ATAD2B: variants seen among roughly 807,000 people sequenced by gnomAD.
ATAD2B encodes ATPase family AAA domain containing 2B.
ATAD2B carries 40 observed loss-of-function variants against 167.6 expected under a neutral mutation model. That is an observed-to-expected ratio of 0.24 (90% confidence interval 0.19 to 0.31). The LOEUF (loss-of-function observed/expected upper bound fraction) is 0.31. ATAD2B is among the 10% of genes least tolerant of loss of function. The probability of loss-of-function intolerance (pLI) is 1.00; values close to 1 mark genes in which losing one functional copy is unlikely to be tolerated. For missense variants in ATAD2B, 1,242 were observed against 1,757.2 expected, an observed-to-expected ratio of 0.71 and a Z score of 5.24; for synonymous variants, 579 against 596.5, an observed-to-expected ratio of 0.97 and a Z score of 0.43.
rs1159877443 is a variant in ATAD2B at position 23,782,719 on chromosome 2, T to C, written c.3133+150A>G. 11 of 534,168 alleles carry C rather than the reference T, an allele frequency of 2.1e-5. No homozygotes were observed. In the East Asian group the frequency reaches 3.3e-4, roughly 16 times the overall value. 33.1% of individuals were successfully genotyped at this position (534,168 alleles called of 1,614,324 possible). ...TTCTCTACTTTAAACACATTATTTTTATGTAGGCTATGAGCTTCTTATTGA... is the reference window on the plus strand; with the variant it reads ...TTCTCTACTTTAAACACATTATTTTCATGTAGGCTATGAGCTTCTTATTGA... On this transcript the variant is annotated intron_variant, in intron 22 of 27. Coordinates refer to ENST00000238789, the MANE Select transcript of ATAD2B (RefSeq NM_017552.4).
chr2:23,740,482 C>G, the ATAD2B span, among the ~76,000 whole-genome samples: 5 of 151,810 alleles, frequency 3.3e-5, no homozygotes, highest in African/African-American at 1.2e-4. Flanking sequence ...GCAGAAAAGG[C>G]CTTTGACAAA....
intron 22 of ATAD2B, among the ~76,000 whole-genome samples, chr2:23,772,812 C>T (rs1678541068): frequency 6.6e-6 from 1 of 152,148 alleles, no homozygotes; most frequent in Admixed American, 6.5e-5. Flanking sequence ...CTTATAGCAG[C>T]GTCAACCTCC....
Position 23,885,964 on chromosome 2 carries a change from A to G in ATAD2B, c.573-135T>C, listed in dbSNP as rs1573253095. The G allele has an allele frequency of 1.6e-5, 9 of 553,156 alleles. No individual in the cohort carries two copies. The East Asian group carries it at 3.0e-4, about 18-fold the overall frequency. 34.3% of individuals were successfully genotyped at this position (553,156 alleles called of 1,614,324 possible). ...CTTTTTTTTCTTTTTTGTTTTTTTT[A>G]GATAGAGTGTCCCTCTGTCACCCAG... On this transcript the variant is annotated intron_variant, in intron 4 of 27. Coordinates refer to ENST00000238789, the MANE Select transcript of ATAD2B (RefSeq NM_017552.4).
At chr2:23,922,687 G>A (rs1704118824) in intron 1 of ATAD2B, among the ~76,000 whole-genome samples, 1 of 120,982 alleles carries the variant, frequency 8.3e-6, no homozygotes, top group South Asian at 2.8e-4. Context: ...GGGCATCAGA[G>A]TAAGACTCTG....
At chr2:23,733,340 T>C in the ATAD2B span, among the ~76,000 whole-genome samples, 2 of 152,176 alleles carry the variant, frequency 1.3e-5, no homozygotes, top group Admixed American at 6.5e-5. Flanking sequence ...CTCCTCAAGT[T>C]CCGTGACCCC....
chr2:23,709,937 C>T, the ATAD2B span, among the ~76,000 whole-genome samples: 1 of 152,170 alleles, frequency 6.6e-6, no homozygotes, highest in Admixed American at 6.5e-5. Context: ...GTATTTCAGA[C>T]TTAACTCTGG....
At position 23,899,918 on chromosome 2, in the gene ATAD2B, CTTT is replaced by C. The variant is rs34685891; in HGVS notation, c.217-3951_217-3949del. Among the ~76,000 whole-genome samples, 131 of 83,608 alleles carry C rather than the reference CTTT, an allele frequency of 1.6e-3. 1 individual carries two copies. The highest frequency in any genetic ancestry group is 2.3e-3 in the Non-Finnish European group (102 of 44,360). 54.9% of individuals were successfully genotyped at this position (83,608 alleles called of 152,430 possible). ...TTTCATTTCTAATACAGTTTTCTTA[CTTT>C]TTTTTTTTTTTTTTTTTTTTGAGAC... is the stretch of plus-strand genomic sequence containing the variant. On this transcript the variant is annotated intron_variant, in intron 1 of 27. Transcript: ENST00000238789.
intron 18 of ATAD2B, among the ~76,000 whole-genome samples, chr2:23,807,826 A>ATATAT (rs1229720356): frequency 2.0e-4 from 24 of 122,040 alleles, no homozygotes; most frequent in African/African-American, 7.8e-4. Flanking sequence ...AAAAAAAAAA[A>ATATAT]AAATATATAT....
rs1400145382 is a variant in ATAD2B at position 23,878,010 on chromosome 2, CAAAGAAAA to C, written c.902-2114_902-2107del. 5.3e-3 allele frequency among the ~76,000 whole-genome samples: 151 copies of C among 28,606 alleles called. 4 individuals carry two copies. The highest frequency in any genetic ancestry group is 0.037 in the South Asian group (27 of 732). The allele number at this position is 28,606 out of a possible 152,430, so 18.8% of individuals were successfully genotyped here. A position where few individuals can be genotyped will look rare whatever the true frequency, so the allele number is the denominator to read the frequency against. The stretch of plus-strand genomic sequence containing the variant: ...ACTCCAGCCTGGATGACCCTATCTC[CAAAGAAAA>C]AAAAAAAAAAAAAAAAAAAAAGCAA... On this transcript the variant is annotated intron_variant, in intron 7 of 27. Coordinates refer to ENST00000238789, the MANE Select transcript of ATAD2B (RefSeq NM_017552.4).
chr2:23,844,739 GACA>G (rs1219614612), intron 13 of ATAD2B, among the ~76,000 whole-genome samples: 3 of 151,962 alleles, frequency 2.0e-5, no homozygotes, highest in Non-Finnish European at 2.9e-5. Flanking sequence ...CAAACTATGG[GACA>G]ACATCAAGAA....
At chr2:23,737,335 CCT>C in the ATAD2B span, among the ~76,000 whole-genome samples, 3 of 152,168 alleles carry the variant, frequency 2.0e-5, no homozygotes, top group Non-Finnish European at 4.4e-5. Context: ...GCTTGATACT[CCT>C]CTGAGACAAA....
intron 17 of ATAD2B, 43 bp from the exon 18 acceptor site, chr2:23,810,545 C>T (rs1223521527): frequency 1.3e-6 from 2 of 1,503,436 alleles, no homozygotes; most frequent in South Asian, 2.5e-5. Flanking sequence ...GGCATACATT[C>T]TGAAGACAAA....
chr2:23,753,481 T>C (rs1187638650), intron 27 of ATAD2B, among the ~76,000 whole-genome samples: 2 of 152,094 alleles, frequency 1.3e-5, no homozygotes, highest in Non-Finnish European at 2.9e-5. Flanking sequence ...TTTAGCCATT[T>C]TGTGGGTAGA....
At chr2:23,720,537 C>T in the ATAD2B span, among the ~76,000 whole-genome samples, 7 of 140,990 alleles carry the variant, frequency 5.0e-5, no homozygotes, top group African/African-American at 1.8e-4. Flanking sequence ...AGAGATTGCG[C>T]CACTGCACTC....
intron 13 of ATAD2B, among the ~76,000 whole-genome samples, chr2:23,839,264 G>C (rs549916563): frequency 6.6e-6 from 1 of 151,990 alleles, no homozygotes; most frequent in African/African-American, 2.4e-5. Context: ...CACTGACTGC[G>C]ATCTATAGAA....
At chr2:23,795,036 T>C (rs1207956753) in intron 19 of ATAD2B, among the ~76,000 whole-genome samples, 1 of 152,176 alleles carries the variant, frequency 6.6e-6, no homozygotes, top group African/African-American at 2.4e-5. Flanking sequence ...GGACTAATTA[T>C]TTTGGGGTTT....
chr2:23,906,557 G>A (rs1701523144), intron 1 of ATAD2B, among the ~76,000 whole-genome samples: 1 of 152,110 alleles, frequency 6.6e-6, no homozygotes, highest in African/African-American at 2.4e-5. Context: ...GGGTATCCTT[G>A]TTGACTTTCT....
rs1687813720 is a variant in ATAD2B at position 23,823,699 on chromosome 2, C to T, written c.1820-130G>A. ...AAATCAATAACTATGTGCAATTTTACCAGCAAAATGAAAACTAGCCATTTA... is the reference window on the plus strand; with the variant it reads ...AAATCAATAACTATGTGCAATTTTATCAGCAAAATGAAAACTAGCCATTTA... On this transcript the variant is annotated intron_variant, in intron 15 of 27. Coordinates refer to ENST00000238789, the MANE Select transcript of ATAD2B (RefSeq NM_017552.4). The T allele has an allele frequency of 6.2e-6, 5 of 800,532 alleles. No individual in the cohort carries two copies. The South Asian group carries it at 1.1e-4, about 17-fold the overall frequency. The allele number at this position is 800,532 out of a possible 1,614,324, so 49.6% of individuals were successfully genotyped here.
intron 25 of ATAD2B, 25 bp downstream of exon 25, chr2:23,757,393 A>G (rs1159447594): frequency 1.4e-6 from 2 of 1,455,068 alleles, no homozygotes; most frequent in South Asian, 3.2e-5. Context: ...AAACCTTCAG[A>G]AGATTTTTCA....
Sources: allele counts gnomAD v4.1 joint callset (sites outside exome capture counted in the v4.1 genomes callset), GRCh38; gene constraint gnomAD v4.1.1; transcripts MANE v1.5; gene names NCBI Gene and HGNC (gene_info 2026-07-23, HGNC 2026-07-21).